OC90: variants seen among roughly 807,000 people sequenced by gnomAD.
The protein encoded by OC90 is otoconin-90.
Under a neutral mutation model 47.3 loss-of-function variants are expected in OC90, and 46 were observed. The ratio of observed to expected loss-of-function variants is 0.97; its 90% CI spans 0.77 to 1.24. The LOEUF (loss-of-function observed/expected upper bound fraction) is 1.24. Among genes scored for constraint, OC90 ranks in the 50% most tolerant of loss-of-function variants. The pLI is 0.00. For synonymous variants in OC90, 271 were observed against 219.5 expected (o/e 1.23, Z -2.07); for missense variants, 688 against 583.9 (o/e 1.18, Z -1.84).
intron 11 of OC90, 80 bp downstream of exon 11, chr8:132,032,959 A>G: frequency 6.7e-7 from 1 of 1,484,282 alleles, no homozygotes; most frequent in Non-Finnish European, 9.1e-7. Flanking sequence ...TCACAGTGTG[A>G]AAAGGTGGCC....
At chr8:132,044,370 C>T in intron 4 of OC90, 63 bp downstream of exon 4, 1 of 937,856 alleles carries the variant, frequency 1.1e-6, no homozygotes, top group Non-Finnish European at 1.7e-6. Flanking sequence ...TTGCAATTTC[C>T]TTAGATTTGT....
intron 13 of OC90, among the ~76,000 whole-genome samples, chr8:132,028,547 AAAGAAAGAAAGAAAGAAAGGAAGGAAGG>A (rs1260485045): frequency 5.8e-3 from 95 of 16,306 alleles, no homozygotes; most frequent in African/African-American, 8.7e-3. Flanking sequence ...AGAAAGAAAG[AAAGAAAGAAAGAAAGAAAGGAAGGAAGG>A]AAGGAAGGAA....
Position 132,038,390 on chromosome 8 carries a change from C to T in OC90, c.628+400G>A, listed in dbSNP as rs569456670. ...GGGAGAGGAGGAGGTAGTGGGTCTG[C>T]TCCTGGGAGGCTGTGGCAGCCAGGA... is the stretch of plus-strand genomic sequence containing the variant. On this transcript the variant is annotated intron_variant, in intron 8 of 13. Transcript: ENST00000254627. Among the ~76,000 whole-genome samples the T allele has an allele frequency of 2.2e-4, 33 of 152,272 alleles. No individual in the cohort carries two copies. The East Asian group carries it at 4.8e-3, about 22-fold the overall frequency.
At position 132,033,139 on chromosome 8, in the gene OC90, C is replaced by T. The variant is rs747838035; in HGVS notation, c.759G>A (p.Arg253=). The T allele has an allele frequency of 6.2e-7, 1 of 1,606,442 alleles. No individual in the cohort carries two copies. Among genetic ancestry groups the T allele is most frequent in the African/African-American group, 1.3e-5 (1 of 74,788 alleles). ...PPGSAEIVAT[R]VTAKIVTLVP... ...CAAGGGTTACAATTTTAGCTGTAACCCTTGTTGCAACTATCTCTGCAGATC... is the reference window on the plus strand; with the variant it reads ...CAAGGGTTACAATTTTAGCTGTAACTCTTGTTGCAACTATCTCTGCAGATC... The change falls in exon 11 of 14, where the codon AGG becomes AGA. Residue 253 remains arginine, a synonymous_variant. Coordinates refer to ENST00000254627, the MANE Select transcript of OC90 (RefSeq NM_001080399.3).
Position 132,041,564 on chromosome 8 carries a change from C to T in OC90, c.305G>A (p.Arg102Lys). 2 of 1,613,334 alleles carry T rather than the reference C, an allele frequency of 1.2e-6. No individual in the cohort carries two copies. The highest frequency in any genetic ancestry group is 2.7e-5 in the African/African-American group (2 of 74,926). Residue 102 changes from arginine (R) to lysine (K), a missense_variant, in exon 5 of 14, where the codon AGG (arginine) becomes AAG (lysine). Coordinates refer to ENST00000254627, the MANE Select transcript of OC90 (RefSeq NM_001080399.3). Reference sequence around the variant, plus strand: ...CACAGGCAACCCTTCCATCTCAAACCTGCAGGTGCAACCATAGTCTTCAAA... The same window carrying T: ...CACAGGCAACCCTTCCATCTCAAACTTGCAGGTGCAACCATAGTCTTCAAA... ...RDFEDYGCTC[R>K]FEMEGLPVDE...
chr8:132,032,143 A>G (rs959831778), intron 11 of OC90, 91 bp from the exon 12 acceptor site: 1 of 1,186,964 alleles, frequency 8.4e-7, no homozygotes, highest in Non-Finnish European at 1.2e-6. Context: ...TTGTATGTGG[A>G]CAACTCTAGT....
At chr8:132,028,315 A>AAC (rs1006095039) in intron 13 of OC90, among the ~76,000 whole-genome samples, 63 of 152,160 alleles carry the variant, frequency 4.1e-4, no homozygotes, top group African/African-American at 1.5e-3. Flanking sequence ...CATCCTGGCC[A>AAC]ACATGGTGAA....
intron 13 of OC90, among the ~76,000 whole-genome samples, chr8:132,027,237 G>A (rs529337148): frequency 8.5e-5 from 13 of 152,208 alleles, no homozygotes; most frequent in Non-Finnish European, 1.6e-4. Flanking sequence ...CAAGCTGTGA[G>A]CAATTTGAGG....
At chr8:132,037,343 T>G in intron 9 of OC90, 95 bp downstream of exon 9, 40 of 1,007,954 alleles carry the variant, frequency 4.0e-5, no homozygotes, top group Non-Finnish European at 5.8e-5. Context: ...CTTGTGATAG[T>G]GAGTTCTTGT....
intron 2 of OC90, among the ~76,000 whole-genome samples, chr8:132,049,325 C>T (rs1247737907): frequency 6.8e-6 from 1 of 146,880 alleles, no homozygotes; most frequent in Non-Finnish European, 1.5e-5. Context: ...AATGAGTAAT[C>T]AAGGCTCTTG....
At chr8:132,026,811 C>G (rs1822765732) in intron 13 of OC90, among the ~76,000 whole-genome samples, 1 of 152,136 alleles carries the variant, frequency 6.6e-6, no homozygotes, top group South Asian at 2.1e-4. Context: ...TCCTCATCCC[C>G]TATAGGAAAA....
chr8:132,054,115 C>CT (rs1325227893), intron 2 of OC90, among the ~76,000 whole-genome samples: 1 of 152,174 alleles, frequency 6.6e-6, no homozygotes, highest in African/African-American at 2.4e-5. Context: ...TACGGCTGTG[C>CT]TTGGAAGTCC....
At chr8:132,047,398 G>C (rs569695068) in intron 2 of OC90, among the ~76,000 whole-genome samples, 5 of 152,086 alleles carry the variant, frequency 3.3e-5, no homozygotes, top group Admixed American at 2.6e-4. Context: ...GAGTTACAGT[G>C]AGTCTAAATT....
At chr8:132,033,648 T>C (rs1392895685) in intron 10 of OC90, among the ~76,000 whole-genome samples, 1 of 152,216 alleles carries the variant, frequency 6.6e-6, no homozygotes, top group Admixed American at 6.5e-5. Flanking sequence ...TGCAAGTTCC[T>C]TCCTGTGGTC....
At position 132,041,109 on chromosome 8, in the gene OC90, T is replaced by A; in HGVS notation, c.392A>T (p.Asp131Val). 1 of 1,613,856 alleles carries A rather than the reference T, an allele frequency of 6.2e-7. No homozygotes were observed. Among genetic ancestry groups the A allele is most frequent in the Non-Finnish European group, 8.5e-7 (1 of 1,179,754 alleles). ...AAGTTTGGCGGGGTCTTGGAGACAG[T>A]CCATCTCAGCGGCCTCCTCATAGCA... ...RRCYEEAAEM[D>V]CLQDPAKLST... Residue 131 changes from aspartate (D) to valine (V), a missense_variant, in exon 6 of 14, where the codon GAC (aspartate) becomes GTC (valine). Transcript: ENST00000254627.
At chr8:132,046,410 AT>A (rs1301695379) in intron 2 of OC90, among the ~76,000 whole-genome samples, 2 of 152,156 alleles carry the variant, frequency 1.3e-5, no homozygotes, top group Non-Finnish European at 2.9e-5. Context: ...GAAAGAAGCA[AT>A]TTTAGCAAGC....
At chr8:132,040,868 G>C (rs1472783761) in intron 6 of OC90, among the ~76,000 whole-genome samples, 176 bp downstream of exon 6, 1 of 152,226 alleles carries the variant, frequency 6.6e-6, no homozygotes, top group African/African-American at 2.4e-5. Context: ...CCTCTACTCT[G>C]TGAAAGATAC....
chr8:132,034,403 A>T (rs757455120), intron 10 of OC90, among the ~76,000 whole-genome samples: 4 of 152,244 alleles, frequency 2.6e-5, no homozygotes, highest in Non-Finnish European at 5.9e-5. Flanking sequence ...ATAGCCATAC[A>T]TCTAATCCAG....
chr8:132,046,527 A>G (rs1266283290), intron 2 of OC90, among the ~76,000 whole-genome samples: 3 of 152,138 alleles, frequency 2.0e-5, no homozygotes, highest in Non-Finnish European at 1.5e-5. Flanking sequence ...CCCAAATACA[A>G]CCACCACCTT....
Sources: allele counts gnomAD v4.1 joint callset (sites outside exome capture counted in the v4.1 genomes callset), GRCh38; gene constraint gnomAD v4.1.1; transcripts MANE v1.5; gene names NCBI Gene and HGNC (gene_info 2026-07-23, HGNC 2026-07-21).